REPS2: variants seen among roughly 807,000 people sequenced by gnomAD.
REPS2 encodes the protein ralBP1-associated Eps domain-containing protein 2.
A neutral mutation model predicts 53.6 loss-of-function variants in REPS2; 23 were observed. The observed-to-expected ratio is 0.43, with a 90% CI of 0.31 to 0.61. The LOEUF (loss-of-function observed/expected upper bound fraction) is 0.61, where lower values mean the gene tolerates loss of function less well. Among genes scored for constraint, REPS2 ranks in the 20% least tolerant of loss-of-function variants. The probability of loss-of-function intolerance (pLI) is 0.11; values close to 1 mark genes in which losing one functional copy is unlikely to be tolerated. For synonymous variants in REPS2, 238 were observed against 218.6 expected (o/e 1.09, Z -0.78); for missense variants, 446 against 534.9 (o/e 0.83, Z 1.64).
At chrX:17,005,901 C>CCA (rs1276457968) in intron 1 of REPS2, among the ~76,000 whole-genome samples, 1 of 112,054 alleles carries the variant, frequency 8.9e-6, no homozygotes, top group Non-Finnish European at 1.9e-5. Flanking sequence ...ACATTAGAAT[C>CCA]CACTCCCTGA....
At chrX:16,969,713 T>C (rs985119621) in intron 1 of REPS2, among the ~76,000 whole-genome samples, 1 of 95,909 alleles carries the variant, frequency 1.0e-5, no homozygotes, top group Admixed American at 1.2e-4. Context: ...AGGGAGACCG[T>C]GGAAAGAGAG....
chrX:16,969,501 A>G (rs1320327196), intron 1 of REPS2, among the ~76,000 whole-genome samples: 11 of 107,964 alleles, frequency 1.0e-4, no homozygotes, highest in Middle Eastern at 4.8e-3. Flanking sequence ...AGGCTGGCGG[A>G]TCACTCCCGG....
At chrX:17,016,851 A>G (rs770951477) in intron 2 of REPS2, among the ~76,000 whole-genome samples, 104 of 102,920 alleles carry the variant, frequency 1.0e-3, no homozygotes, top group African/African-American at 3.6e-3. Flanking sequence ...GTTCTTAGGT[A>G]TACACCCAAG....
At chrX:16,968,431 C>T (rs1339159147) in intron 1 of REPS2, among the ~76,000 whole-genome samples, 1 of 110,265 alleles carries the variant, frequency 9.1e-6, no homozygotes, top group Non-Finnish European at 1.9e-5. Flanking sequence ...GGCAGAGGCG[C>T]CCCTCACCTC....
At chrX:17,091,541 G>A (rs970060740) in intron 13 of REPS2, among the ~76,000 whole-genome samples, 4 of 111,966 alleles carry the variant, frequency 3.6e-5, no homozygotes, top group Admixed American at 1.9e-4. Context: ...AAACTCTGTC[G>A]TTAATATTTT....
At chrX:17,124,096 T>C (rs1458886367) in intron 14 of REPS2, among the ~76,000 whole-genome samples, 1 of 112,476 alleles carries the variant, frequency 8.9e-6, no homozygotes, top group Non-Finnish European at 1.9e-5. Context: ...TCAGAGAGAC[T>C]AAGCATGTGA....
intron 4 of REPS2, among the ~76,000 whole-genome samples, chrX:17,028,128 A>G (rs963520333): frequency 2.7e-5 from 3 of 111,503 alleles, no homozygotes; most frequent in African/African-American, 9.8e-5. Context: ...TAGGTGAGGG[A>G]TAGAAGCCAA....
At chrX:17,191,958 T>C in the REPS2 span, among the ~76,000 whole-genome samples, 1 of 112,388 alleles carries the variant, frequency 8.9e-6, no homozygotes, top group Non-Finnish European at 1.9e-5. Flanking sequence ...ATGGTGGTGC[T>C]TACAGAACTG....
At chrX:17,014,077 C>T (rs1038559766) in intron 2 of REPS2, among the ~76,000 whole-genome samples, 1 of 111,663 alleles carries the variant, frequency 9.0e-6, no homozygotes, top group South Asian at 3.8e-4. Flanking sequence ...CAGGAAAATA[C>T]ACATTGACAT....
In REPS2 at chrX:16,971,727, C is replaced by G. The variant is rs1379885893; in HGVS notation, c.273+24593C>G. Among the ~76,000 whole-genome samples, 3 of 111,992 alleles carry G rather than the reference C, an allele frequency of 2.7e-5. No homozygotes were observed. In the Admixed American group the frequency reaches 2.8e-4, roughly 11 times the overall value. ...TGTGAAGTAGGGGTACAACTTCATA[C>G]TTTTGTATATGGATATCCACTTGTC... On this transcript the variant is annotated intron_variant, in intron 1 of 17. Transcript: ENST00000357277.
In REPS2 at chrX:17,016,317, A is replaced by G. The variant is rs762481097; in HGVS notation, c.398-5806A>G. The stretch of plus-strand genomic sequence containing the variant: ...CTACTCAACCCTGTTGTAGTATGAA[A>G]GTAGCCATGGACAGCATGTAATCAG... On this transcript the variant is annotated intron_variant, in intron 2 of 17. Coordinates refer to ENST00000357277, the MANE Select transcript of REPS2 (RefSeq NM_004726.3). Among the ~76,000 whole-genome samples, 5 of 112,871 alleles carry G rather than the reference A, an allele frequency of 4.4e-5. No individual in the cohort carries two copies. In the South Asian group the frequency reaches 1.1e-3, roughly 25 times the overall value.
the REPS2 span, among the ~76,000 whole-genome samples, chrX:17,180,313 G>A: frequency 9.0e-6 from 1 of 111,469 alleles, no homozygotes; most frequent in African/African-American, 3.3e-5. Flanking sequence ...AAGGAATAAA[G>A]GGCATGGAAC....
chrX:16,975,316 A>C (rs2060942359), intron 1 of REPS2, among the ~76,000 whole-genome samples: 2 of 111,941 alleles, frequency 1.8e-5, no homozygotes, highest in Admixed American at 9.5e-5. Context: ...TAGTTGAATT[A>C]ATTTACACTC....
chrX:16,953,568 G>T (rs942724905), intron 1 of REPS2, among the ~76,000 whole-genome samples: 1 of 111,952 alleles, frequency 8.9e-6, no homozygotes, highest in African/African-American at 3.2e-5. Context: ...CACTAAAAAA[G>T]ATATTATTTT....
chrX:17,066,036 T>C (rs1416608806), intron 9 of REPS2, among the ~76,000 whole-genome samples: 1 of 112,169 alleles, frequency 8.9e-6, no homozygotes, highest in Non-Finnish European at 1.9e-5. Context: ...AGATGTTTTT[T>C]TCCCCATTGA....
intron 1 of REPS2, among the ~76,000 whole-genome samples, chrX:16,960,621 G>A (rs1255451047): frequency 9.0e-6 from 1 of 111,585 alleles, no homozygotes; most frequent in Admixed American, 9.6e-5. Flanking sequence ...ATTGAACACA[G>A]CACTGGAAGT....
At chrX:16,957,901 A>G (rs2060615671) in intron 1 of REPS2, among the ~76,000 whole-genome samples, 1 of 111,607 alleles carries the variant, frequency 9.0e-6, no homozygotes, top group Non-Finnish European at 1.9e-5. Flanking sequence ...TCTTCTCCTG[A>G]TTGTGACAAC....
intron 2 of REPS2, among the ~76,000 whole-genome samples, chrX:17,011,972 A>G (rs1465554612): frequency 9.1e-6 from 1 of 109,479 alleles, no homozygotes. Flanking sequence ...AAAAAAAAAA[A>G]AAAAAACCAA....
intron 5 of REPS2, among the ~76,000 whole-genome samples, chrX:17,046,240 T>C (rs2061904479): frequency 9.2e-6 from 1 of 108,971 alleles, no homozygotes; most frequent in Admixed American, 9.8e-5. Flanking sequence ...CAGGTTCAAC[T>C]TCTGCCTCCC....
Sources: gnomAD v4.1 joint callset for allele counts (sites outside exome capture counted in the v4.1 genomes callset) on GRCh38, gnomAD v4.1.1 for gene constraint, MANE v1.5 for transcripts, NCBI Gene and HGNC (gene_info 2026-07-23, HGNC 2026-07-21) for gene names.